Variants in CNTN1 observed in about 807,000 individuals in gnomAD.
The protein encoded by CNTN1 is contactin 1.
CNTN1 carries 38 observed loss-of-function variants against 126.4 expected under a neutral mutation model. That is an observed-to-expected ratio of 0.30 (90% CI 0.23 to 0.39). The LOEUF (loss-of-function observed/expected upper bound fraction) is 0.39. Ranked by LOEUF, CNTN1 falls within the 10% of genes least tolerant of loss-of-function variation. The pLI is 1.00. For missense variants in CNTN1, 1,009 were observed against 1,248.4 expected, an observed-to-expected ratio of 0.81 and a Z score of 2.89; for synonymous variants, 413 against 422.6, an observed-to-expected ratio of 0.98 and a Z score of 0.28.
At chr12:40,844,419 T>G (rs959151047) in intron 1 of CNTN1, among the ~76,000 whole-genome samples, 4 of 152,186 alleles carry the variant, frequency 2.6e-5, no homozygotes, top group Non-Finnish European at 4.4e-5. Flanking sequence ...TATTGTTTTT[T>G]TGTGTGTGTT....
At chr12:40,794,709 G>GA (rs1357642161) in intron 1 of CNTN1, among the ~76,000 whole-genome samples, 26 of 151,962 alleles carry the variant, frequency 1.7e-4, no homozygotes, top group Non-Finnish European at 3.4e-4. Context: ...CTATAATTCT[G>GA]AAAAAAGAGA....
intron 1 of CNTN1, among the ~76,000 whole-genome samples, chr12:40,864,054 C>G (rs10784918): frequency 1.6e-5 from 2 of 125,386 alleles, no homozygotes; most frequent in Non-Finnish European, 3.3e-5. Context: ...GAGTTTTGCT[C>G]TTGTTGCCCA....
intron 1 of CNTN1, among the ~76,000 whole-genome samples, chr12:40,738,584 C>T (rs1441161386): frequency 6.6e-6 from 1 of 151,858 alleles, no homozygotes; most frequent in East Asian, 1.9e-4. Flanking sequence ...ACAAGACCTA[C>T]AATTGAAAAG....
rs573109945 is a variant in CNTN1, at chr12:40,718,611, G to T, written c.-77+26019G>T. Among the ~76,000 whole-genome samples the T allele has an allele frequency of 1.1e-4, 16 of 152,198 alleles. No individual in the cohort carries two copies. In the South Asian group the frequency reaches 3.1e-3, roughly 30 times the overall value. On this transcript the variant is annotated intron_variant, in intron 1 of 23. Coordinates refer to ENST00000551295, the MANE Select transcript of CNTN1 (RefSeq NM_001843.4). ...GTGGGCAAAAAAGGAAGCCTCTAGG[G>T]GCAATGACTAAAGTGTTCTAAAACC... is the stretch of plus-strand genomic sequence containing the variant.
intron 1 of CNTN1, among the ~76,000 whole-genome samples, chr12:40,885,139 C>A (rs1425907213): frequency 6.6e-6 from 1 of 151,596 alleles, no homozygotes; most frequent in Admixed American, 6.6e-5. Context: ...TAAATGTAAG[C>A]CTGGTTTAAA....
chr12:40,869,503 C>T (rs1156774172), intron 1 of CNTN1, among the ~76,000 whole-genome samples: 1 of 152,058 alleles, frequency 6.6e-6, no homozygotes, highest in African/African-American at 2.4e-5. Flanking sequence ...CTCCTGTGCT[C>T]AAGCAGTCTG....
chr12:40,713,902 C>G (rs1002350444), intron 1 of CNTN1, among the ~76,000 whole-genome samples: 3 of 151,860 alleles, frequency 2.0e-5, no homozygotes, highest in African/African-American at 7.2e-5. Flanking sequence ...ACCTTTTTCC[C>G]CTGTATTATG....
intron 23 of CNTN1, among the ~76,000 whole-genome samples, chr12:41,051,097 G>A (rs12304938): frequency 0.16 from 24,785 of 150,696 alleles, 2,863 homozygotes; most frequent in African/African-American, 0.33. Context: ...GAATCAATCA[G>A]TCCAAACCTT....
chr12:40,748,496 G>A (rs965363930), intron 1 of CNTN1, among the ~76,000 whole-genome samples: 1 of 152,090 alleles, frequency 6.6e-6, no homozygotes, highest in Non-Finnish European at 1.5e-5. Context: ...TCTAAAGATT[G>A]ATTGTGCACA....
chr12:40,787,331 T>G (rs1391313354), intron 1 of CNTN1, among the ~76,000 whole-genome samples: 2 of 152,202 alleles, frequency 1.3e-5, no homozygotes, highest in African/African-American at 4.8e-5. Context: ...AAATATGTGC[T>G]CACTACTCTG....
At chr12:40,949,569 CTTTTTTTTTT>C (rs36070275) in intron 14 of CNTN1, among the ~76,000 whole-genome samples, 3 of 64,346 alleles carry the variant, frequency 4.7e-5, no homozygotes, top group Admixed American at 1.9e-4. Context: ...TCTTTTCTTT[CTTTTTTTTTT>C]TTTTTTTTTT....
At chr12:40,790,242 C>T (rs528690643) in intron 1 of CNTN1, among the ~76,000 whole-genome samples, 2 of 152,216 alleles carry the variant, frequency 1.3e-5, no homozygotes, top group African/African-American at 2.4e-5. Context: ...GCTGATGCCC[C>T]TTGCTTCCTC....
chr12:40,857,672 A>T (rs1942961262), intron 1 of CNTN1, among the ~76,000 whole-genome samples: 1 of 152,066 alleles, frequency 6.6e-6, no homozygotes, highest in Non-Finnish European at 1.5e-5. Context: ...GATGAATTAA[A>T]TTTTTCTAAA....
chr12:40,998,459 A>G (rs900017187), intron 17 of CNTN1, among the ~76,000 whole-genome samples: 1 of 152,026 alleles, frequency 6.6e-6, no homozygotes, highest in East Asian at 1.9e-4. Context: ...CAAACCTACA[A>G]TTTCTATCTG....
At chr12:41,049,135 C>T (rs1326269196) in intron 23 of CNTN1, among the ~76,000 whole-genome samples, 1 of 152,170 alleles carries the variant, frequency 6.6e-6, no homozygotes, top group Non-Finnish European at 1.5e-5. Context: ...CTGCCATTCT[C>T]AGTCTCCTTT....
In CNTN1 at chr12:40,972,302, G is replaced by A. The variant is rs75657410; in HGVS notation, c.1805-8607G>A. On this transcript the variant is annotated intron_variant, in intron 15 of 23. Transcript: ENST00000551295. Reference sequence around the variant, plus strand: ...TGAGTAGAAGTGGATGATTAAAATTGAGGAGTATATAATTCTTTCTGGGAC... The same window carrying A: ...TGAGTAGAAGTGGATGATTAAAATTAAGGAGTATATAATTCTTTCTGGGAC... 162 of 985,270 alleles carry A rather than the reference G, an allele frequency of 1.6e-4. No homozygotes were observed. In the African/African-American group the frequency reaches 2.0e-3, roughly 12 times the overall value. The allele number at this position is 985,270 out of a possible 1,614,324, so 61.0% of individuals were successfully genotyped here.
intron 1 of CNTN1, among the ~76,000 whole-genome samples, chr12:40,852,175 G>T (rs1049417667): frequency 3.3e-5 from 5 of 151,984 alleles, no homozygotes; most frequent in African/African-American, 4.8e-5. Flanking sequence ...CAGCTTCATG[G>T]AAAAAAGAAA....
intron 1 of CNTN1, among the ~76,000 whole-genome samples, chr12:40,900,346 C>G (rs943924652): frequency 1.3e-5 from 2 of 152,104 alleles, no homozygotes; most frequent in African/African-American, 4.8e-5. Context: ...TTGCTACAGC[C>G]ACACGTATTC....
chr12:40,923,895 A>G (rs1365141397), intron 5 of CNTN1, among the ~76,000 whole-genome samples: 1 of 152,210 alleles, frequency 6.6e-6, no homozygotes, highest in African/African-American at 2.4e-5. Flanking sequence ...TGCCGATCAC[A>G]GGTTAGGAAC....
Sources: allele counts gnomAD v4.1 joint callset (sites outside exome capture counted in the v4.1 genomes callset), GRCh38; gene constraint gnomAD v4.1.1; transcripts MANE v1.5; gene names NCBI Gene and HGNC (gene_info 2026-07-23, HGNC 2026-07-21).